The following EIF1AX variants were observed in gnomAD, a reference collection of about 807,000 sequenced individuals.
The protein encoded by EIF1AX is eukaryotic translation initiation factor 1A X-linked.
Under a neutral mutation model 16.1 loss-of-function variants are expected in EIF1AX, and 1 was observed. That is an observed-to-expected ratio of 0.06 (90% CI 0.02 to 0.30). The LOEUF (loss-of-function observed/expected upper bound fraction) is 0.30. EIF1AX is among the 10% of genes least tolerant of loss of function. The pLI is 1.00. For synonymous variants in EIF1AX, 32 were observed against 37.3 expected, an observed-to-expected ratio of 0.86 and a Z score of 0.51; for missense variants, 11 against 109.1, an observed-to-expected ratio of 0.10 and a Z score of 4.00.
chrX:20,138,555 G>A lies in EIF1AX; in HGVS notation c.84C>T (p.Phe28=). 2 of 1,199,362 alleles carry A rather than the reference G, an allele frequency of 1.7e-6. No individual in the cohort carries two copies. Among genetic ancestry groups the A allele is most frequent in the South Asian group, 3.5e-5 (2 of 56,579 alleles). The change falls in exon 2 of 7, where the codon TTC becomes TTT. Residue 28 remains phenylalanine, a synonymous_variant. Coordinates refer to ENST00000379607, the MANE Select transcript of EIF1AX (RefSeq NM_001412.4). Reference sequence around the variant, plus strand: ...AACACTTACCCTGACCATCCTCTTTGAATACCAGTTCTCTTTTTTCAGATT... The same window carrying A: ...AACACTTACCCTGACCATCCTCTTTAAATACCAGTTCTCTTTTTTCAGATT... ...ENESEKRELV[F]KEDGQEYAQV...
intron 1 of EIF1AX, among the ~76,000 whole-genome samples, chrX:20,141,108 G>C (rs139495177): frequency 2.7e-5 from 3 of 111,816 alleles, no homozygotes; most frequent in Admixed American, 9.4e-5. Flanking sequence ...CCTTAGAAAT[G>C]TATCAAGGTT....
At position 20,141,635 on chromosome X, in the gene EIF1AX, G is replaced by A; in HGVS notation, c.6C>T (p.Pro2=). 8.7e-7 allele frequency: 1 copy of A among 1,155,188 alleles called. No homozygotes were observed. Among genetic ancestry groups the A allele is most frequent in the Non-Finnish European group, 1.2e-6 (1 of 866,520 alleles). M[P]KNKGKGGKNR... is the part of the protein sequence containing the mutation. ...TCCGGGCGGCATTACCTTTATTCTT[G>A]GGCATGGCGGTGGCGGCGACCTCGC... is the stretch of plus-strand genomic sequence containing the variant. The change falls in exon 1 of 7, where the codon CCC becomes CCT. Residue 2 remains proline, a synonymous_variant. Transcript: ENST00000379607.
chrX:20,136,180 C>A (rs1172891126), intron 2 of EIF1AX: 1 of 307,055 alleles, frequency 3.3e-6, no homozygotes, highest in Non-Finnish European at 6.3e-6. Context: ...ACCCCCTCAC[C>A]CCCAATCTCA....
Position 20,125,531 on chromosome X carries a change from C to T in EIF1AX, c.*2775G>A. ...TTTCATCTTTATGACAGTCAGGTAA[C>T]ATCAAAAAAACCTTGCTTTCATTCT... On this transcript the variant is annotated 3_prime_UTR_variant, in exon 7 of 7. Transcript: ENST00000379607. The T allele has an allele frequency of 5.9e-6, 1 of 169,883 alleles. No individual in the cohort carries two copies. Among genetic ancestry groups the T allele is most frequent in the Non-Finnish European group, 1.1e-5 (1 of 88,119 alleles). 14.0% of individuals were successfully genotyped at this position (169,883 alleles called of 1,213,427 possible). A position where few individuals can be genotyped will look rare whatever the true frequency, so the allele number is the denominator to read the frequency against.
In EIF1AX at chrX:20,141,777, G is replaced by C; in HGVS notation, c.-137C>G. 2 of 623,282 alleles carry C rather than the reference G, an allele frequency of 3.2e-6. No homozygotes were observed. The highest frequency in any genetic ancestry group is 4.3e-5 in the East Asian group (1 of 23,043). The allele number at this position is 623,282 out of a possible 1,213,427, so 51.4% of individuals were successfully genotyped here. On this transcript the variant is annotated 5_prime_UTR_variant, in exon 1 of 7. Coordinates refer to ENST00000379607, the MANE Select transcript of EIF1AX (RefSeq NM_001412.4). ...TGGAGGCCAGGCAACGTGCGCGGGA[G>C]AGGCTGGCGACCCAGCTCTTCAGAG...
chrX:20,139,655 TG>T (rs1241096699), intron 1 of EIF1AX, among the ~76,000 whole-genome samples: 1 of 110,561 alleles, frequency 9.0e-6, no homozygotes, highest in Non-Finnish European at 1.9e-5. Flanking sequence ...AAGAGACTCA[TG>T]GGAAGAGCTT....
At chrX:20,130,687 T>C in intron 5 of EIF1AX, 80 bp from the exon 6 acceptor site, 3 of 913,327 alleles carry the variant, frequency 3.3e-6, no homozygotes, top group Non-Finnish European at 4.3e-6. Context: ...TCCTTTTATA[T>C]AAGACAATAA....
At chrX:20,131,957 T>C (rs1347841207) in intron 5 of EIF1AX, among the ~76,000 whole-genome samples, 2 of 108,732 alleles carry the variant, frequency 1.8e-5, no homozygotes, top group East Asian at 2.9e-4. Flanking sequence ...GTTAGCATTA[T>C]GTGGAAGTCC....
chrX:20,139,255 A>G (rs182026677), intron 1 of EIF1AX, among the ~76,000 whole-genome samples: 3 of 111,593 alleles, frequency 2.7e-5, no homozygotes, highest in Non-Finnish European at 5.7e-5. Flanking sequence ...TCGGTACCCA[A>G]TTTACTTTCT....
At chrX:20,141,540 C>A (rs989580760) in intron 1 of EIF1AX, 85 bp downstream of exon 1, 3 of 1,075,818 alleles carry the variant, frequency 2.8e-6, no homozygotes, top group Non-Finnish European at 3.7e-6. Flanking sequence ...AGGGTCACTG[C>A]GGCCTGGGTG....
intron 5 of EIF1AX, among the ~76,000 whole-genome samples, 165 bp from the exon 6 acceptor site, chrX:20,130,772 ATT>A (rs1051787602): frequency 5.3e-5 from 6 of 112,287 alleles, no homozygotes; most frequent in Admixed American, 4.7e-4. Context: ...CTGTGTTACC[ATT>A]TTCTTTTGTT....
At chrX:20,133,487 G>T (rs189914652) in intron 4 of EIF1AX, among the ~76,000 whole-genome samples, 1 of 107,992 alleles carries the variant, frequency 9.3e-6, no homozygotes, top group Admixed American at 9.8e-5. Flanking sequence ...GGCTTAAAGT[G>T]AAGATTTAAA....
intron 1 of EIF1AX, among the ~76,000 whole-genome samples, chrX:20,138,894 T>C (rs929062284): frequency 1.5e-4 from 17 of 112,186 alleles, no homozygotes; most frequent in African/African-American, 4.9e-4. Flanking sequence ...TTAAAAAATA[T>C]AGAAAAACAT....
chrX:20,126,809 T>A lies in EIF1AX; in HGVS notation c.*1497A>T, dbSNP rs1274208977. 7.1e-6 allele frequency: 1 copy of A among 140,795 alleles called. No individual in the cohort carries two copies. Among genetic ancestry groups the A allele is most frequent in the Non-Finnish European group, 1.4e-5 (1 of 70,076 alleles). The allele number at this position is 140,795 out of a possible 1,213,427, so 11.6% of individuals were successfully genotyped here. ...CATGAATACGTACTCTTAATTTCCATTCTTCAACTTAATGTTCTATAGTAC... is the reference window on the plus strand; with the variant it reads ...CATGAATACGTACTCTTAATTTCCAATCTTCAACTTAATGTTCTATAGTAC... On this transcript the variant is annotated 3_prime_UTR_variant, in exon 7 of 7. Coordinates refer to ENST00000379607, the MANE Select transcript of EIF1AX (RefSeq NM_001412.4).
At chrX:20,139,145 AG>A (rs2067026485) in intron 1 of EIF1AX, among the ~76,000 whole-genome samples, 1 of 111,813 alleles carries the variant, frequency 8.9e-6, no homozygotes, top group African/African-American at 3.3e-5. Context: ...GCTACTCAGG[AG>A]GCTCAGGTGG....
rs769115973 is a variant in EIF1AX at position 20,138,764 on chromosome X, A to G, written c.17-142T>C. 41 of 413,496 alleles carry G rather than the reference A, an allele frequency of 9.9e-5. No individual in the cohort carries two copies. In the Admixed American group the frequency reaches 1.3e-3, roughly 13 times the overall value. 34.1% of individuals were successfully genotyped at this position (413,496 alleles called of 1,213,427 possible). On this transcript the variant is annotated intron_variant, in intron 1 of 6. Transcript: ENST00000379607. ...AAAATTCATCTATTTTAGCTACACA[A>G]TCATATTAAATTTACAATCTCCAAT... is the stretch of plus-strand genomic sequence containing the variant.
chrX:20,137,742 A>AGGG (rs1356250027), intron 2 of EIF1AX, among the ~76,000 whole-genome samples: 3 of 111,629 alleles, frequency 2.7e-5, no homozygotes, highest in Non-Finnish European at 5.6e-5. Context: ...GGAGAGGTCT[A>AGGG]TAAGGGCCTC....
intron 1 of EIF1AX, 81 bp from the exon 2 acceptor site, chrX:20,138,703 T>C: frequency 1.5e-6 from 1 of 664,851 alleles, no homozygotes; most frequent in Non-Finnish European, 2.2e-6. Context: ...AAATTAAGGC[T>C]TATAAAACCA....
rs189012884 is a variant in EIF1AX at position 20,125,738 on chromosome X, A to T, written c.*2568T>A. Reference sequence around the variant, plus strand: ...AGATGTTACTGAACATCATAATCTAATATTTACATTAGATGAGATTAAGTT... The same window carrying T: ...AGATGTTACTGAACATCATAATCTATTATTTACATTAGATGAGATTAAGTT... On this transcript the variant is annotated 3_prime_UTR_variant, in exon 7 of 7. Coordinates refer to ENST00000379607, the MANE Select transcript of EIF1AX (RefSeq NM_001412.4). The T allele has an allele frequency of 7.3e-4, 116 of 158,870 alleles. No individual in the cohort carries two copies. The highest frequency in any genetic ancestry group is 7.4e-4 in the Non-Finnish European group (60 of 81,437). The allele number at this position is 158,870 out of a possible 1,213,427, so 13.1% of individuals were successfully genotyped here.
Sources: gnomAD v4.1 joint callset for allele counts (sites outside exome capture counted in the v4.1 genomes callset) on GRCh38, gnomAD v4.1.1 for gene constraint, MANE v1.5 for transcripts, NCBI Gene and HGNC (gene_info 2026-07-23, HGNC 2026-07-21) for gene names.